Variants in TSTD2 observed in about 807,000 individuals in gnomAD.
The protein encoded by TSTD2 is thiosulfate sulfurtransferase/rhodanese-like domain-containing protein 2.
In TSTD2, 37 loss-of-function variants were observed where a neutral mutation model predicts 47.9. That is an observed-to-expected ratio of 0.77 (90% CI 0.59 to 1.02). The LOEUF is 1.02. Ranked by LOEUF, TSTD2 falls within the 50% of genes least tolerant of loss-of-function variation. The pLI is 0.00. For synonymous variants in TSTD2, 201 were observed against 215.9 expected (o/e 0.93, Z 0.61); for missense variants, 586 against 616.0 (o/e 0.95, Z 0.52).
At chr9:97,611,122 C>G (rs1052997122) in intron 5 of TSTD2, 2 of 158,258 alleles carry the variant, frequency 1.3e-5, no homozygotes, top group African/African-American at 4.8e-5. Flanking sequence ...TGTCTCGTAA[C>G]CTAAAGAGAA....
At chr9:97,632,288 T>C (rs1826835623) in intron 1 of TSTD2, among the ~76,000 whole-genome samples, 1 of 152,192 alleles carries the variant, frequency 6.6e-6, no homozygotes, top group Admixed American at 6.5e-5. Context: ...GCTTGACTTA[T>C]TGTAAGAACA....
In TSTD2 at chr9:97,604,874, G is replaced by A; in HGVS notation, c.1114-9C>T. 1 of 1,611,078 alleles carries A rather than the reference G, an allele frequency of 6.2e-7. No homozygotes were observed. The highest frequency in any genetic ancestry group is 8.5e-7 in the Non-Finnish European group (1 of 1,179,014). ...ACCTCCTTGCACACTCCCTAGGTGT[G>A]GAAAAACAACAGGAAATCTGAAGAG... On this transcript the variant is annotated splice_polypyrimidine_tract_variant and intron_variant, in intron 8 of 9. Transcript: ENST00000341170.
chr9:97,600,461 T>C lies in TSTD2; in HGVS notation c.*2008A>G. 1 of 985,634 alleles carries C rather than the reference T, an allele frequency of 1.0e-6. No homozygotes were observed. 61.1% of individuals were successfully genotyped at this position (985,634 alleles called of 1,614,324 possible). A position where few individuals can be genotyped will look rare whatever the true frequency, so the allele number is the denominator to read the frequency against. On this transcript the variant is annotated 3_prime_UTR_variant, in exon 10 of 10. Coordinates refer to ENST00000341170, the MANE Select transcript of TSTD2 (RefSeq NM_139246.5). The stretch of plus-strand genomic sequence containing the variant: ...AATACTGGAGTTAGAACTTTTTCCT[T>C]ATTGAATGCCAACCTTATGATGGAT...
rs971482785 is a variant in TSTD2 at position 97,601,079 on chromosome 9, C to G, written c.*1390G>C. On this transcript the variant is annotated 3_prime_UTR_variant, in exon 10 of 10. Transcript: ENST00000341170. ...GTGGGCAGTACAGGGTAACTGGAGG[C>G]GGGGCCAGGGCCTCAGCGCTATGGA... 3.8e-6 allele frequency: 5 copies of G among 1,304,248 alleles called. No homozygotes were observed. The highest frequency in any genetic ancestry group is 5.1e-6 in the Non-Finnish European group (5 of 988,926). 80.8% of individuals were successfully genotyped at this position (1,304,248 alleles called of 1,614,324 possible).
At chr9:97,627,236 C>T in intron 2 of TSTD2, 162 bp downstream of exon 2, 1 of 1,319,104 alleles carries the variant, frequency 7.6e-7, no homozygotes. Context: ...AGGACCACAC[C>T]TTGCCTATGA....
chr9:97,600,741 A>ATT lies in TSTD2; in HGVS notation c.*1726_*1727dup. The ATT allele has an allele frequency of 9.9e-7, 1 of 1,007,160 alleles. No individual in the cohort carries two copies. The highest frequency in any genetic ancestry group is 1.2e-6 in the Non-Finnish European group (1 of 843,028). 62.4% of individuals were successfully genotyped at this position (1,007,160 alleles called of 1,614,324 possible). A position where few individuals can be genotyped will look rare whatever the true frequency, so the allele number is the denominator to read the frequency against. On this transcript the variant is annotated 3_prime_UTR_variant, in exon 10 of 10. Coordinates refer to ENST00000341170, the MANE Select transcript of TSTD2 (RefSeq NM_139246.5). ...GTGAAGAAACTCCAGATATCAAGGA[A>ATT]TTGGGAAATCCTGGCCAAACCACCC...
intron 7 of TSTD2, 41 bp downstream of exon 7, chr9:97,606,102 G>T (rs1826361024): frequency 2.2e-6 from 3 of 1,377,506 alleles, no homozygotes; most frequent in East Asian, 2.3e-5. Flanking sequence ...GGAATGGGGA[G>T]ATCTACCAAT....
chr9:97,604,010 G>T (rs544909005), intron 9 of TSTD2: 1 of 152,278 alleles, frequency 6.6e-6, no homozygotes, highest in South Asian at 2.1e-4. Context: ...ATTTTTAAAT[G>T]CATAAAATAT....
intron 3 of TSTD2, among the ~76,000 whole-genome samples, chr9:97,620,743 T>C (rs933051477): frequency 1.3e-5 from 2 of 152,196 alleles, no homozygotes; most frequent in Admixed American, 1.3e-4. Flanking sequence ...GCCCCTGCCC[T>C]AAAGATTTGG....
At chr9:97,604,396 C>T in intron 9 of TSTD2, 1 of 212,648 alleles carries the variant, frequency 4.7e-6, no homozygotes, top group Non-Finnish European at 9.2e-6. Context: ...AATCTATGTA[C>T]CAATTCCAGG....
At chr9:97,602,848 G>C (rs762751057) in intron 9 of TSTD2, 81 bp from the exon 10 acceptor site, 1 of 1,403,894 alleles carries the variant, frequency 7.1e-7, no homozygotes. Flanking sequence ...TTGCTGACTA[G>C]AATCTCGTAG....
In TSTD2 at chr9:97,625,683, T is replaced by C. The variant is rs773295188; in HGVS notation, c.480A>G (p.Ile160Met). 8 of 1,602,104 alleles carry C rather than the reference T, an allele frequency of 5.0e-6. No homozygotes were observed. Among genetic ancestry groups the C allele is most frequent in the Non-Finnish European group, 6.8e-6 (8 of 1,173,386 alleles). Residue 160 changes from isoleucine to methionine, a missense_variant and splice_region_variant, in exon 3 of 10, where the codon ATA becomes ATG. Transcript: ENST00000341170. ...AAAATACAGAATGAAAATCTTACCT[T>C]ATCAGCTCATCAGGGTTAAAGCAGC... Reference protein sequence around the residue: ...DISCFNPDELISGQGSEEGEV... With the variant: ...DISCFNPDELMSGQGSEEGEV...
rs1181869197 is a variant in TSTD2 at position 97,609,540 on chromosome 9, T to C, written c.835+806A>G. ...AACCTTATTTAAATCCTAATAGAAA[T>C]GAAGCTTAAAAAGTATGAGACAACC... On this transcript the variant is annotated intron_variant, in intron 6 of 9. Coordinates refer to ENST00000341170, the MANE Select transcript of TSTD2 (RefSeq NM_139246.5). Among the ~76,000 whole-genome samples, 2 of 152,164 alleles carry C rather than the reference T, an allele frequency of 1.3e-5. 1 individual carries two copies. The highest frequency in any genetic ancestry group is 3.8e-4 in the East Asian group (2 of 5,198).
chr9:97,613,827 C>CTTTTTTTT (rs755229835), intron 4 of TSTD2, among the ~76,000 whole-genome samples: 1 of 123,074 alleles, frequency 8.1e-6, no homozygotes, highest in Non-Finnish European at 1.7e-5. Flanking sequence ...TTGATCAATT[C>CTTTTTTTT]TTTTTTTTTT....
Position 97,627,385 on chromosome 9 carries a change from A to G in TSTD2, c.165+13T>C, listed in dbSNP as rs752474380. On this transcript the variant is annotated intron_variant, in intron 2 of 9. Coordinates refer to ENST00000341170, the MANE Select transcript of TSTD2 (RefSeq NM_139246.5). Reference sequence around the variant, plus strand: ...ACACATACATGATCATGAAACATTCATAAGAATTCTACCTTTTTCTTTGCA... The same window carrying G: ...ACACATACATGATCATGAAACATTCGTAAGAATTCTACCTTTTTCTTTGCA... 3.8e-5 allele frequency: 60 copies of G among 1,584,640 alleles called. No homozygotes were observed. Among genetic ancestry groups the G allele is most frequent in the Admixed American group, 7.1e-5 (4 of 56,704 alleles).
chr9:97,607,793 A>T (rs1587976566), intron 6 of TSTD2, among the ~76,000 whole-genome samples: 2 of 152,042 alleles, frequency 1.3e-5, no homozygotes, highest in East Asian at 3.9e-4. Context: ...GCTCCCAGCT[A>T]CTCAGTAGGC....
In TSTD2 at chr9:97,601,775, A is replaced by C. The variant is rs1826265863; in HGVS notation, c.*694T>G. 1 of 177,626 alleles carries C rather than the reference A, an allele frequency of 5.6e-6. No homozygotes were observed. Among genetic ancestry groups the C allele is most frequent in the Non-Finnish European group, 1.1e-5 (1 of 91,286 alleles). 11.0% of individuals were successfully genotyped at this position (177,626 alleles called of 1,614,324 possible). On this transcript the variant is annotated 3_prime_UTR_variant, in exon 10 of 10. Coordinates refer to ENST00000341170, the MANE Select transcript of TSTD2 (RefSeq NM_139246.5). ...GGGTTTGAACTGCATGGCTGCACTT[A>C]TATATGGATTTTTTTCAACCATACA...
chr9:97,621,362 CAT>C (rs113547978), intron 3 of TSTD2, among the ~76,000 whole-genome samples: 5,170 of 152,166 alleles, frequency 0.034, 250 homozygotes, highest in African/African-American at 0.1. Flanking sequence ...GTTTGTAAAA[CAT>C]GTGTGTTTGA....
At chr9:97,624,328 A>AC (rs148848523) in intron 3 of TSTD2, among the ~76,000 whole-genome samples, 2,132 of 151,762 alleles carry the variant, frequency 0.014, 103 homozygotes, top group East Asian at 0.13. Flanking sequence ...CTATGAAGAG[A>AC]CCCCCACAGA....
Sources: allele counts gnomAD v4.1 joint callset (sites outside exome capture counted in the v4.1 genomes callset), GRCh38; gene constraint gnomAD v4.1.1; transcripts MANE v1.5; gene names NCBI Gene and HGNC (gene_info 2026-07-23, HGNC 2026-07-21).